The following POU2F1 variants were observed in gnomAD, a reference collection of about 807,000 sequenced individuals.
The protein encoded by POU2F1 is POU class 2 homeobox 1.
Under a neutral mutation model 84.9 loss-of-function variants are expected in POU2F1, and 16 were observed. The ratio of observed to expected loss-of-function variants is 0.19; its 90% CI spans 0.13 to 0.29. The LOEUF (loss-of-function observed/expected upper bound fraction) is 0.29, where lower values mean the gene tolerates loss of function less well. Among genes scored for constraint, POU2F1 ranks in the 10% least tolerant of loss-of-function variants. The pLI, the probability that POU2F1 is intolerant of heterozygous loss-of-function variation, is 1.00. For missense variants in POU2F1, 738 were observed against 942.6 expected (o/e 0.78, Z 2.84); for synonymous variants, 368 against 368.3 (o/e 1.00, Z 0.01).
chr1:167,291,305 A>G (rs1466259709), intron 1 of POU2F1, among the ~76,000 whole-genome samples: 3 of 152,144 alleles, frequency 2.0e-5, no homozygotes, highest in African/African-American at 7.2e-5. Flanking sequence ...ATCCTTTGCT[A>G]TTTGCAAGAA....
intron 1 of POU2F1, among the ~76,000 whole-genome samples, chr1:167,255,038 A>C (rs1023027929): frequency 2.0e-5 from 3 of 152,176 alleles, no homozygotes; most frequent in African/African-American, 7.2e-5. Context: ...CCCCAAATCT[A>C]GGAGATTCTT....
chr1:167,315,624 T>C (rs997744600), intron 1 of POU2F1, among the ~76,000 whole-genome samples: 2 of 151,758 alleles, frequency 1.3e-5, no homozygotes, highest in Admixed American at 1.3e-4. Context: ...AAAAATTGTT[T>C]TTTGTTTGTT....
At chr1:167,260,234 T>A (rs1651458663) in intron 1 of POU2F1, among the ~76,000 whole-genome samples, 1 of 152,246 alleles carries the variant, frequency 6.6e-6, no homozygotes, top group Admixed American at 6.5e-5. Context: ...AAAAAAATCG[T>A]TACATCTTTC....
intron 1 of POU2F1, among the ~76,000 whole-genome samples, chr1:167,287,928 AC>A: frequency 6.6e-6 from 1 of 152,254 alleles, no homozygotes; most frequent in Non-Finnish European, 1.5e-5. Context: ...TAAAAGAGCC[AC>A]ATTTAACTAC....
At chr1:167,382,098 C>T (rs1241390912) in intron 7 of POU2F1, among the ~76,000 whole-genome samples, 1 of 152,054 alleles carries the variant, frequency 6.6e-6, no homozygotes, top group African/African-American at 2.4e-5. Flanking sequence ...TCATATAGTG[C>T]TCTGATAGTT....
intron 1 of POU2F1, among the ~76,000 whole-genome samples, chr1:167,267,551 A>T (rs1652054660): frequency 6.7e-6 from 1 of 148,314 alleles, no homozygotes; most frequent in African/African-American, 2.5e-5. Context: ...TTCCTAGGGC[A>T]TTGTTCTTCA....
rs760143365 is a variant in POU2F1 at position 167,412,252 on chromosome 1, G to A, written c.1849G>A (p.Ala617Thr). 1 of 1,589,534 alleles carries A rather than the reference G, an allele frequency of 6.3e-7. No individual in the cohort carries two copies. The highest frequency in any genetic ancestry group is 1.1e-5 in the South Asian group (1 of 88,028). The change falls in exon 14 of 16, where the codon GCT (alanine) becomes ACT (threonine). Residue 617 changes from alanine to threonine, a missense_variant. Physicochemically the swap from Ala to Thr is moderately conservative, Grantham distance 58. Around this residue, in one of 4 missense-constraint regions of POU2F1, gnomAD observed 319 missense variants for 386.0 expected, o/e 0.83. Coordinates refer to ENST00000367866, the MANE Select transcript of POU2F1 (RefSeq NM_002697.4). ...PANASLAAMA[A>T]AAGLNPSLMA... is the part of the protein sequence containing the mutation. The stretch of plus-strand genomic sequence containing the variant: ...AAATGCCAGTCTTGCTGCCATGGCA[G>A]CTGCTGCAGGACTAAACCCAAGCCT...
rs140373844 is a variant in POU2F1, at chr1:167,294,468, C to T, written c.62-38002C>T. Reference sequence around the variant, plus strand: ...CTGCACAGCAAAAGAAATAATCATCCGAGTACACAGACAACCCACAAAGTG... The same window carrying T: ...CTGCACAGCAAAAGAAATAATCATCTGAGTACACAGACAACCCACAAAGTG... On this transcript the variant is annotated intron_variant, in intron 1 of 15. Coordinates refer to ENST00000367866, the MANE Select transcript of POU2F1 (RefSeq NM_002697.4). Among the ~76,000 whole-genome samples, 558 of 152,158 alleles carry T rather than the reference C, an allele frequency of 3.7e-3. 1 individual carries two copies. Among genetic ancestry groups the T allele is most frequent in the Non-Finnish European group, 6.6e-3 (452 of 68,002 alleles).
chr1:167,273,203 C>T (rs1205515419), intron 1 of POU2F1, among the ~76,000 whole-genome samples: 1 of 152,210 alleles, frequency 6.6e-6, no homozygotes, highest in Non-Finnish European at 1.5e-5. Flanking sequence ...CATCTCTGCC[C>T]CTGTGGCTCT....
intron 2 of POU2F1, among the ~76,000 whole-genome samples, chr1:167,337,453 A>G (rs1268825391): frequency 6.6e-6 from 1 of 152,240 alleles, no homozygotes. Flanking sequence ...CTTAAAAGGC[A>G]GGTGAAGGAT....
At chr1:167,235,386 A>G (rs901162519) in intron 1 of POU2F1, among the ~76,000 whole-genome samples, 4 of 152,238 alleles carry the variant, frequency 2.6e-5, no homozygotes, top group African/African-American at 4.8e-5. Flanking sequence ...TATGAGAGAC[A>G]TGTTCAACAT....
chr1:167,375,036 A>G (rs2101855609), intron 6 of POU2F1, among the ~76,000 whole-genome samples: 1 of 152,272 alleles, frequency 6.6e-6, no homozygotes, highest in Admixed American at 6.5e-5. Context: ...CACTAAAAAA[A>G]AAAAAAATTA....
chr1:167,403,765 AT>A (rs1390307127), intron 13 of POU2F1, among the ~76,000 whole-genome samples: 1 of 152,292 alleles, frequency 6.6e-6, no homozygotes, highest in African/African-American at 2.4e-5. Context: ...GTTAGATCCA[AT>A]GTTTCTCAGA....
chr1:167,236,645 C>G (rs986059429), intron 1 of POU2F1, among the ~76,000 whole-genome samples: 1 of 152,124 alleles, frequency 6.6e-6, no homozygotes, highest in Non-Finnish European at 1.5e-5. Flanking sequence ...CTTAGGGATG[C>G]AGGTGGAGCT....
intron 1 of POU2F1, among the ~76,000 whole-genome samples, chr1:167,326,218 C>T (rs1446410952): frequency 6.6e-6 from 1 of 152,150 alleles, no homozygotes; most frequent in Admixed American, 6.5e-5. Flanking sequence ...TAAATGAAAG[C>T]AGTGGGATTG....
At chr1:167,338,114 C>T in intron 2 of POU2F1, 1 of 416,680 alleles carries the variant, frequency 2.4e-6, no homozygotes, top group Admixed American at 2.5e-5. Context: ...ACCAAGTGTG[C>T]CTGCCTCTCC....
intron 4 of POU2F1, among the ~76,000 whole-genome samples, chr1:167,371,695 T>G (rs1050678229): frequency 3.3e-5 from 5 of 152,240 alleles, no homozygotes; most frequent in African/African-American, 9.6e-5. Flanking sequence ...GGGATGACTT[T>G]ATTTTTAAAA....
At chr1:167,241,121 A>C (rs1261445831) in intron 1 of POU2F1, among the ~76,000 whole-genome samples, 2 of 152,174 alleles carry the variant, frequency 1.3e-5, no homozygotes, top group Non-Finnish European at 2.9e-5. Context: ...CAGCCTGGGC[A>C]ACAAGAGTGA....
intron 1 of POU2F1, among the ~76,000 whole-genome samples, chr1:167,267,017 G>C (rs532867708): frequency 2.0e-5 from 3 of 152,184 alleles, no homozygotes; most frequent in African/African-American, 7.2e-5. Context: ...TTTCTTGGAG[G>C]TTTGTTTGTA....
Sources: gnomAD v4.1 joint callset for allele counts (sites outside exome capture counted in the v4.1 genomes callset) on GRCh38, gnomAD v4.1.1 for gene constraint, gnomAD v4.1.1 regional missense constraint, MANE v1.5 for transcripts, NCBI Gene and HGNC (gene_info 2026-07-23, HGNC 2026-07-21) for gene names.